The following ADAMTSL1 variants were observed in gnomAD, a reference collection of about 807,000 sequenced individuals.
ADAMTSL1 encodes ADAMTS-like protein 1.
Under a neutral mutation model 201.8 loss-of-function variants are expected in ADAMTSL1, and 126 were observed. That is an observed-to-expected ratio of 0.62 (90% CI 0.54 to 0.72). ADAMTSL1 has a LOEUF of 0.72. Among genes scored for constraint, ADAMTSL1 ranks in the 30% least tolerant of loss-of-function variants. The pLI is 0.00. For synonymous variants in ADAMTSL1, 1,121 were observed against 903.4 expected, an observed-to-expected ratio of 1.24 and a Z score of -4.32; for missense variants, 2,679 against 2,277.8, an observed-to-expected ratio of 1.18 and a Z score of -3.59.
At chr9:18,523,280 A>T (rs1818817119) in intron 2 of ADAMTSL1, among the ~76,000 whole-genome samples, 1 of 151,778 alleles carries the variant, frequency 6.6e-6, no homozygotes, top group African/African-American at 2.4e-5. Flanking sequence ...CCACTTTTTG[A>T]TGGGGTTTTT....
At chr9:18,495,264 A>T (rs961856820) in intron 1 of ADAMTSL1, among the ~76,000 whole-genome samples, 1 of 152,212 alleles carries the variant, frequency 6.6e-6, no homozygotes, top group Non-Finnish European at 1.5e-5. Context: ...AGCATGCAGG[A>T]TTAGAAACTT....
chr9:18,465,035 A>T (rs200377347), intron 2 of ADAMTSL1, among the ~76,000 whole-genome samples: 1 of 152,256 alleles, frequency 6.6e-6, no homozygotes, highest in East Asian at 1.9e-4. Context: ...TGAGAATTCA[A>T]TGTAGGGATT....
intron 16 of ADAMTSL1, among the ~76,000 whole-genome samples, chr9:18,769,205 A>T (rs1304358829): frequency 6.6e-6 from 1 of 152,182 alleles, no homozygotes; most frequent in Non-Finnish European, 1.5e-5. Context: ...AAAAAACCCC[A>T]TAGCCATTCT....
intron 1 of ADAMTSL1, among the ~76,000 whole-genome samples, chr9:18,073,055 A>G (rs976138708): frequency 3.3e-5 from 5 of 152,174 alleles, no homozygotes; most frequent in Admixed American, 1.3e-4. Context: ...TGTTGTCCTC[A>G]CAGCGTTATC....
intron 1 of ADAMTSL1, among the ~76,000 whole-genome samples, chr9:18,116,584 C>T (rs1369136162): frequency 6.6e-6 from 1 of 152,098 alleles, no homozygotes; most frequent in East Asian, 1.9e-4. Context: ...AGTAGTTCTC[C>T]AATGAGTCAT....
intron 2 of ADAMTSL1, among the ~76,000 whole-genome samples, chr9:18,266,182 C>T (rs1363555803): frequency 6.6e-6 from 1 of 152,210 alleles, no homozygotes; most frequent in African/African-American, 2.4e-5. Flanking sequence ...CATTGTCTTG[C>T]CTTCTGCCTA....
intron 3 of ADAMTSL1, among the ~76,000 whole-genome samples, chr9:18,554,598 C>A (rs1460764594): frequency 1.3e-5 from 2 of 151,746 alleles, no homozygotes; most frequent in Non-Finnish European, 2.9e-5. Flanking sequence ...AACTTCTACC[C>A]CCAACCTTTA....
intron 17 of ADAMTSL1, among the ~76,000 whole-genome samples, chr9:18,771,921 T>A (rs186213300): frequency 6.6e-6 from 1 of 152,174 alleles, no homozygotes; most frequent in Non-Finnish European, 1.5e-5. Flanking sequence ...CTAAGTGCAT[T>A]GCAATTAAGA....
upstream of ADAMTSL1, chr9:18,473,818 A>G (rs904606137): frequency 9.8e-6 from 2 of 203,848 alleles, no homozygotes; most frequent in African/African-American, 4.6e-5. Flanking sequence ...ATAGAAATGC[A>G]TCTCACAAAG....
At position 18,701,027 on chromosome 9, in the gene ADAMTSL1, C is replaced by T. The variant is rs112567371; in HGVS notation, c.1575-5720C>T. Among the ~76,000 whole-genome samples, 4 of 152,228 alleles carry T rather than the reference C, an allele frequency of 2.6e-5. No homozygotes were observed. In the East Asian group the frequency reaches 7.7e-4, roughly 29 times the overall value. ...CAAAATTGGTCTAGCTACAGGGCAA[C>T]AATCAACTGCATTCCACTAGACACA... On this transcript the variant is annotated intron_variant, in intron 13 of 28. Coordinates refer to ENST00000380548, the MANE Select transcript of ADAMTSL1 (RefSeq NM_001040272.6).
intron 1 of ADAMTSL1, among the ~76,000 whole-genome samples, chr9:17,941,544 GTC>G (rs1434078262): frequency 2.0e-5 from 3 of 152,026 alleles, no homozygotes; most frequent in African/African-American, 7.2e-5. Context: ...GTGTAATACA[GTC>G]TCTACCATTT....
At chr9:18,225,775 A>T (rs547251133) in intron 2 of ADAMTSL1, among the ~76,000 whole-genome samples, 40 of 152,286 alleles carry the variant, frequency 2.6e-4, no homozygotes, top group African/African-American at 9.4e-4. Context: ...GTTAAAATTA[A>T]ATATGATCAT....
intron 2 of ADAMTSL1, among the ~76,000 whole-genome samples, chr9:18,209,201 C>T (rs531370809): frequency 2.0e-5 from 3 of 149,338 alleles, no homozygotes; most frequent in South Asian, 2.1e-4. Context: ...GTTTTGCTTA[C>T]AGTTGAAAAA....
intron 2 of ADAMTSL1, among the ~76,000 whole-genome samples, chr9:18,417,349 G>A (rs1185042146): frequency 3.8e-5 from 3 of 78,108 alleles, no homozygotes; most frequent in Non-Finnish European, 5.3e-5. Context: ...AAGGCTAAAT[G>A]AGAACTAAAG....
chr9:18,540,009 G>A (rs372107744), intron 3 of ADAMTSL1, among the ~76,000 whole-genome samples: 1 of 152,050 alleles, frequency 6.6e-6, no homozygotes, highest in South Asian at 2.1e-4. Context: ...CAACACATAG[G>A]ATGAATAAAA....
intron 23 of ADAMTSL1, among the ~76,000 whole-genome samples, chr9:18,884,150 G>C (rs1828708628): frequency 6.6e-6 from 1 of 152,074 alleles, no homozygotes; most frequent in Non-Finnish European, 1.5e-5. Context: ...GCTTTAATTT[G>C]CATTTTCCTA....
At chr9:18,311,884 G>T (rs1371622066) in intron 2 of ADAMTSL1, among the ~76,000 whole-genome samples, 1 of 152,146 alleles carries the variant, frequency 6.6e-6, no homozygotes, top group Non-Finnish European at 1.5e-5. Flanking sequence ...GGCTGAAAAG[G>T]CATTTGTCAA....
intron 8 of ADAMTSL1, among the ~76,000 whole-genome samples, chr9:18,661,707 G>A (rs1829104267): frequency 6.6e-6 from 1 of 152,088 alleles, no homozygotes; most frequent in Admixed American, 6.5e-5. Flanking sequence ...AGTAGTTCAA[G>A]CCTAATTATA....
intron 2 of ADAMTSL1, among the ~76,000 whole-genome samples, chr9:18,446,492 A>G (rs1481441585): frequency 6.6e-6 from 1 of 152,280 alleles, no homozygotes; most frequent in Non-Finnish European, 1.5e-5. Context: ...TATAAAAAGT[A>G]TCACAAAATG....
Sources: allele counts gnomAD v4.1 joint callset (sites outside exome capture counted in the v4.1 genomes callset), GRCh38; gene constraint gnomAD v4.1.1; transcripts MANE v1.5; gene names NCBI Gene and HGNC (gene_info 2026-07-23, HGNC 2026-07-21).